APLP2: variants seen among roughly 807,000 people sequenced by gnomAD.
APLP2 encodes CDEI box-binding protein.
In APLP2, 53 loss-of-function variants were observed where a neutral mutation model predicts 89.9. The observed-to-expected ratio is 0.59, with a 90% CI of 0.47 to 0.74. The LOEUF is 0.74. Ranked by LOEUF, APLP2 falls within the 30% of genes least tolerant of loss-of-function variation. The probability of loss-of-function intolerance (pLI) is 0.00; values close to 1 mark genes in which losing one functional copy is unlikely to be tolerated. For synonymous variants in APLP2, 372 were observed against 348.6 expected (o/e 1.07, Z -0.75); for missense variants, 973 against 975.9 (o/e 1.00, Z 0.04).
chr11:130,137,306 G>A, intron 13 of APLP2: 1 of 1,612,328 alleles, frequency 6.2e-7, no homozygotes, highest in Non-Finnish European at 8.5e-7. Flanking sequence ...GTTTGTCCAA[G>A]ATGTTCCCTT....
chr11:130,135,515 C>G (rs1258862826), intron 12 of APLP2, 48 bp from the exon 13 acceptor site: 3 of 1,600,100 alleles, frequency 1.9e-6, no homozygotes, highest in Admixed American at 1.7e-5. Context: ...GCCTGGACAC[C>G]AGGCCCTTCT....
intron 3 of APLP2, among the ~76,000 whole-genome samples, chr11:130,116,399 T>C (rs1057387616): frequency 2.0e-5 from 3 of 152,242 alleles, no homozygotes; most frequent in Non-Finnish European, 4.4e-5. Context: ...GATGGACATT[T>C]AGGTTTGTTC....
intron 7 of APLP2, among the ~76,000 whole-genome samples, chr11:130,124,844 T>A (rs1950196376): frequency 6.6e-6 from 1 of 152,234 alleles, no homozygotes; most frequent in Non-Finnish European, 1.5e-5. Flanking sequence ...GTGAATAAAC[T>A]TTGCGTTTTC....
At position 130,123,590 on chromosome 11, in the gene APLP2, C is replaced by T. The variant is rs745612718; in HGVS notation, c.923-22C>T. 6.2e-7 allele frequency: 1 copy of T among 1,607,308 alleles called. No homozygotes were observed. The highest frequency in any genetic ancestry group is 1.1e-5 in the South Asian group (1 of 90,312). The stretch of plus-strand genomic sequence containing the variant: ...GACGTCACTGCCTCTGTCCTGCTGA[C>T]ACTCTGACCATTTTCACACAGCTGT... On this transcript the variant is annotated intron_variant, in intron 6 of 16. Coordinates refer to ENST00000338167, the MANE Select transcript of APLP2 (RefSeq NM_001142276.2). This position sits in a 1 kb window ranked among gnomAD's most constrained non-coding sequence, Gnocchi z 4.0.
Position 130,141,610 on chromosome 11 carries a change from A to G in APLP2, c.1998+38A>G, listed in dbSNP as rs762914342. The G allele has an allele frequency of 1.1e-5, 17 of 1,575,054 alleles. No homozygotes were observed. The Admixed American group carries it at 2.3e-4, about 22-fold the overall frequency. On this transcript the variant is annotated intron_variant, in intron 15 of 16. Transcript: ENST00000338167. This position sits in a 1 kb window ranked among gnomAD's most constrained non-coding sequence, Gnocchi z 4.2. ...CTCCAGAACCTAAGGTTTCCTGCCA[A>G]TCTTAGGTATTTCTCCTCTGGACCT...
intron 1 of APLP2, among the ~76,000 whole-genome samples, chr11:130,091,822 C>CCA (rs1193394400): frequency 7.2e-6 from 1 of 138,484 alleles, no homozygotes; most frequent in African/African-American, 3.0e-5. Context: ...GGGGGGCTGA[C>CCA]CCCCCCCCAC....
chr11:130,132,604 C>T (rs1369437422), intron 11 of APLP2, among the ~76,000 whole-genome samples: 25 of 134,110 alleles, frequency 1.9e-4, no homozygotes, highest in Middle Eastern at 3.8e-3. Context: ...TTCTAATGGC[C>T]TTTTTTTTTT....
intron 11 of APLP2, 62 bp from the exon 12 acceptor site, chr11:130,133,567 A>G (rs1184500856): frequency 3.2e-6 from 4 of 1,236,648 alleles, no homozygotes; most frequent in Non-Finnish European, 2.4e-6. Flanking sequence ...TCCAGCTGCA[A>G]GTTCCCTCCT....
chr11:130,120,340 A>G (rs578221300), intron 3 of APLP2, among the ~76,000 whole-genome samples: 37 of 152,084 alleles, frequency 2.4e-4, no homozygotes, highest in African/African-American at 8.5e-4. Context: ...ATTTGATTAC[A>G]GAGGTGTGGG....
chr11:130,131,997 TTGTGCCA>T (rs1950981808), intron 11 of APLP2, among the ~76,000 whole-genome samples: 1 of 152,200 alleles, frequency 6.6e-6, no homozygotes, highest in East Asian at 1.9e-4. Flanking sequence ...CTGTTGTAAC[TTGTGCCA>T]TGTCTGCTTG....
rs7934366 is a variant in APLP2, at chr11:130,141,702, G to A, written c.1998+130G>A. ...AAGGGTCCCTCATCCCCAGCTTTCC[G>A]TACTTTTGGATAAGAAAGCTAAAAT... On this transcript the variant is annotated intron_variant, in intron 15 of 16. Coordinates refer to ENST00000338167, the MANE Select transcript of APLP2 (RefSeq NM_001142276.2). This position sits in a 1 kb window ranked among gnomAD's most constrained non-coding sequence, Gnocchi z 4.2. 143,367 of 948,246 alleles carry A rather than the reference G, an allele frequency of 0.15. 18,657 individuals carry two copies. Among genetic ancestry groups the A allele is most frequent in the African/African-American group, 0.59 (35,600 of 60,060 alleles). 58.7% of individuals were successfully genotyped at this position (948,246 alleles called of 1,614,324 possible).
At chr11:130,081,810 T>C (rs190992684) in intron 1 of APLP2, among the ~76,000 whole-genome samples, 1 of 152,298 alleles carries the variant, frequency 6.6e-6, no homozygotes, top group East Asian at 1.9e-4. Flanking sequence ...ACATGTATGT[T>C]TCTCATTCTT....
chr11:130,091,068 G>A (rs9267588), intron 1 of APLP2, among the ~76,000 whole-genome samples: 4 of 144,378 alleles, frequency 2.8e-5, no homozygotes, highest in African/African-American at 5.2e-5. Flanking sequence ...CCTCCCGGAC[G>A]GGGCGGCTGG....
At chr11:130,091,738 T>A (rs1945280958) in intron 1 of APLP2, among the ~76,000 whole-genome samples, 2 of 140,312 alleles carry the variant, frequency 1.4e-5, no homozygotes, top group South Asian at 2.3e-4. Context: ...CCCACCTCCC[T>A]CCCGGACGGC....
At chr11:130,112,448 C>T (rs957782411) in intron 3 of APLP2, among the ~76,000 whole-genome samples, 3 of 152,132 alleles carry the variant, frequency 2.0e-5, no homozygotes, top group Non-Finnish European at 4.4e-5. Flanking sequence ...GGACACAGTA[C>T]TTATTAAGTT....
intron 1 of APLP2, among the ~76,000 whole-genome samples, chr11:130,089,662 T>C (rs1346563672): frequency 6.6e-6 from 1 of 152,168 alleles, no homozygotes; most frequent in African/African-American, 2.4e-5. Context: ...GCAACAGAAA[T>C]TTATTGTTTC....
At chr11:130,134,289 G>A (rs1047557024) in intron 12 of APLP2, among the ~76,000 whole-genome samples, 2 of 152,232 alleles carry the variant, frequency 1.3e-5, no homozygotes, top group Admixed American at 1.3e-4. Context: ...CAGAGTGCTA[G>A]AGAGTGGCCA....
chr11:130,070,708 C>T, intron 1 of APLP2: 1 of 1,477,576 alleles, frequency 6.8e-7, no homozygotes, highest in Non-Finnish European at 8.9e-7. Context: ...TTAAGTGGCG[C>T]TGTTTGCCTG....
At chr11:130,092,987 G>T (rs1304838109) in intron 1 of APLP2, among the ~76,000 whole-genome samples, 1 of 152,130 alleles carries the variant, frequency 6.6e-6, no homozygotes, top group African/African-American at 2.4e-5. Context: ...GGCCCCAGGG[G>T]ACATAGATGA....
Sources: allele counts gnomAD v4.1 joint callset (sites outside exome capture counted in the v4.1 genomes callset), GRCh38; gene constraint gnomAD v4.1.1; non-coding constraint Gnocchi (gnomAD v3.1); transcripts MANE v1.5; gene names NCBI Gene and HGNC (gene_info 2026-07-23, HGNC 2026-07-21).